LRRTM4: variants seen among roughly 807,000 people sequenced by gnomAD.
LRRTM4 encodes the protein leucine rich repeat transmembrane neuronal 4, also known as leucine-rich repeat transmembrane neuronal protein 4.
LRRTM4 carries 25 observed loss-of-function variants against 47.6 expected under a neutral mutation model. The ratio of observed to expected loss-of-function variants is 0.53; its 90% CI spans 0.38 to 0.73. The LOEUF is 0.73. Among genes scored for constraint, LRRTM4 ranks in the 30% least tolerant of loss-of-function variants. The pLI, the probability that LRRTM4 is intolerant of heterozygous loss-of-function variation, is 0.00. For missense variants in LRRTM4, 638 were observed against 713.4 expected, an observed-to-expected ratio of 0.89 and a Z score of 1.20; for synonymous variants, 311 against 269.5, an observed-to-expected ratio of 1.15 and a Z score of -1.51.
chr2:77,406,351 T>A (rs1483453489), intron 3 of LRRTM4, among the ~76,000 whole-genome samples: 1 of 152,136 alleles, frequency 6.6e-6, no homozygotes, highest in East Asian at 1.9e-4. Context: ...AGACAGGGTC[T>A]CATTCTGTTG....
intron 3 of LRRTM4, among the ~76,000 whole-genome samples, chr2:77,134,898 T>C (rs763038227): frequency 9.2e-5 from 14 of 152,202 alleles, no homozygotes; most frequent in Non-Finnish European, 1.6e-4. Flanking sequence ...AAAGATTCAA[T>C]GTGCTCATCT....
At chr2:77,345,830 A>ATG (rs1573288221) in intron 3 of LRRTM4, among the ~76,000 whole-genome samples, 3 of 151,560 alleles carry the variant, frequency 2.0e-5, no homozygotes, top group South Asian at 4.2e-4. Context: ...ATATATATAT[A>ATG]TGTGTGTGTA....
chr2:77,391,580 G>A (rs1245828932), intron 3 of LRRTM4, among the ~76,000 whole-genome samples: 1 of 152,010 alleles, frequency 6.6e-6, no homozygotes, highest in East Asian at 1.9e-4. Context: ...TACCTCGTAT[G>A]CCAAGAAGTG....
chr2:77,142,636 A>G (rs1672154897), intron 3 of LRRTM4, among the ~76,000 whole-genome samples: 1 of 152,198 alleles, frequency 6.6e-6, no homozygotes, highest in Non-Finnish European at 1.5e-5. Flanking sequence ...GTATTAATAT[A>G]ATAACAAGAC....
intron 3 of LRRTM4, among the ~76,000 whole-genome samples, chr2:76,820,946 A>C (rs1333077816): frequency 6.6e-6 from 1 of 151,684 alleles, no homozygotes; most frequent in African/African-American, 2.4e-5. Flanking sequence ...GACATCACCT[A>C]ATGCATCTGA....
intron 3 of LRRTM4, among the ~76,000 whole-genome samples, chr2:77,424,676 T>C (rs1306140229): frequency 1.3e-5 from 2 of 152,194 alleles, no homozygotes; most frequent in African/African-American, 4.8e-5. Flanking sequence ...GATTGTACAA[T>C]TTGCCATCAC....
At chr2:77,259,131 GT>G (rs1044703906) in intron 3 of LRRTM4, among the ~76,000 whole-genome samples, 1 of 151,876 alleles carries the variant, frequency 6.6e-6, no homozygotes, top group South Asian at 2.1e-4. Flanking sequence ...AAAAATTTGT[GT>G]TTTTTAAAGT....
intron 3 of LRRTM4, among the ~76,000 whole-genome samples, chr2:76,789,311 C>G (rs1018436353): frequency 2.0e-5 from 3 of 152,182 alleles, no homozygotes; most frequent in African/African-American, 7.2e-5. Context: ...TATTTACCTT[C>G]AGAATTCTCC....
At chr2:76,876,321 C>T (rs892011327) in intron 3 of LRRTM4, among the ~76,000 whole-genome samples, 5 of 152,142 alleles carry the variant, frequency 3.3e-5, no homozygotes, top group Middle Eastern at 3.4e-3. Flanking sequence ...ATTTCAGAAG[C>T]ATAAAATTGC....
At chr2:77,158,583 C>G (rs1222407716) in intron 3 of LRRTM4, among the ~76,000 whole-genome samples, 2 of 151,942 alleles carry the variant, frequency 1.3e-5, no homozygotes, top group Non-Finnish European at 2.9e-5. Flanking sequence ...ATTTATCTTA[C>G]AAATCAAATG....
At chr2:76,924,665 G>A (rs1009592788) in intron 3 of LRRTM4, among the ~76,000 whole-genome samples, 1 of 151,686 alleles carries the variant, frequency 6.6e-6, no homozygotes, top group Non-Finnish European at 1.5e-5. Flanking sequence ...TACAAATTTT[G>A]CATTGGCTTA....
rs530887635 is a variant in LRRTM4 at position 76,971,903 on chromosome 2, G to T, written c.1552-222987C>A. 5.9e-5 allele frequency among the ~76,000 whole-genome samples: 9 copies of T among 152,000 alleles called. No individual in the cohort carries two copies. The East Asian group carries it at 1.8e-3, about 30-fold the overall frequency. ...AATAAAAACTTTTTAATAGTTATTT[G>T]CTTCTCTATAAAATGAGGACTGTTG... On this transcript the variant is annotated intron_variant, in intron 3 of 3. Coordinates refer to ENST00000409884, the MANE Select transcript of LRRTM4 (RefSeq NM_001134745.3).
At chr2:77,170,754 T>C (rs535566193) in intron 3 of LRRTM4, among the ~76,000 whole-genome samples, 55 of 150,228 alleles carry the variant, frequency 3.7e-4, no homozygotes, top group African/African-American at 1.2e-3. Context: ...TTTATCACTA[T>C]ATTTATAAAT....
intron 3 of LRRTM4, among the ~76,000 whole-genome samples, chr2:77,375,460 G>A (rs1672799411): frequency 6.6e-6 from 1 of 151,682 alleles, no homozygotes; most frequent in African/African-American, 2.4e-5. Flanking sequence ...GCCTTAACAT[G>A]AGATATACTC....
intron 3 of LRRTM4, among the ~76,000 whole-genome samples, chr2:77,114,156 GAT>G (rs1671326451): frequency 6.6e-6 from 1 of 152,026 alleles, no homozygotes; most frequent in Non-Finnish European, 1.5e-5. Context: ...GGGGTCACGG[GAT>G]TGCTATGTCA....
At position 77,323,378 on chromosome 2, in the gene LRRTM4, T is replaced by G. The variant is rs187560683; in HGVS notation, c.1551+194940A>C. ...AAGCTGTTACTGTCAAAGGTTAGAG[T>G]TGGGAGAAAACTTGAATGCTGAGAA... On this transcript the variant is annotated intron_variant, in intron 3 of 3. Coordinates refer to ENST00000409884, the MANE Select transcript of LRRTM4 (RefSeq NM_001134745.3). Among the ~76,000 whole-genome samples the G allele has an allele frequency of 1.4e-4, 22 of 152,148 alleles. No homozygotes were observed. In the East Asian group the frequency reaches 4.1e-3, roughly 28 times the overall value.
intron 3 of LRRTM4, among the ~76,000 whole-genome samples, chr2:76,847,823 T>C (rs1279686995): frequency 2.0e-5 from 3 of 152,162 alleles, no homozygotes; most frequent in Non-Finnish European, 4.4e-5. Context: ...AATAAAATTT[T>C]ATAAACATTT....
chr2:77,311,802 A>T (rs1412850954), intron 3 of LRRTM4, among the ~76,000 whole-genome samples: 1 of 152,166 alleles, frequency 6.6e-6, no homozygotes. Flanking sequence ...AAAACCACAA[A>T]AGACACAAAA....
chr2:77,156,183 C>T (rs1672554702), intron 3 of LRRTM4, among the ~76,000 whole-genome samples: 2 of 151,758 alleles, frequency 1.3e-5, no homozygotes, highest in South Asian at 4.1e-4. Context: ...AATTTATAAA[C>T]ACCATGAAAA....
Sources: gnomAD v4.1 joint callset for allele counts (sites outside exome capture counted in the v4.1 genomes callset) on GRCh38, gnomAD v4.1.1 for gene constraint, MANE v1.5 for transcripts, NCBI Gene and HGNC (gene_info 2026-07-23, HGNC 2026-07-21) for gene names.